The following CHL1 variants were observed in gnomAD, a reference collection of about 807,000 sequenced individuals.
CHL1 encodes the protein cell adhesion molecule L1 like, also known as neural cell adhesion molecule L1-like protein.
In CHL1, 96 loss-of-function variants were observed where a neutral mutation model predicts 141.9. That is an observed-to-expected ratio of 0.68 (90% confidence interval 0.57 to 0.80). The LOEUF (loss-of-function observed/expected upper bound fraction) is 0.80. CHL1 is among the 30% of genes least tolerant of loss of function. The probability of loss-of-function intolerance (pLI) is 0.00; values close to 1 mark genes in which losing one functional copy is unlikely to be tolerated. For synonymous variants in CHL1, 613 were observed against 502.2 expected (o/e 1.22, Z -2.95); for missense variants, 1,820 against 1,457.2 (o/e 1.25, Z -4.05).
chr3:314,989 C>T (rs1700055455), intron 2 of CHL1, among the ~76,000 whole-genome samples: 1 of 152,008 alleles, frequency 6.6e-6, no homozygotes, highest in Non-Finnish European at 1.5e-5. Context: ...ATCATTTCAC[C>T]ACTATATACT....
At chr3:277,019 C>A in intron 2 of CHL1, among the ~76,000 whole-genome samples, 1 of 151,220 alleles carries the variant, frequency 6.6e-6, no homozygotes, top group Non-Finnish European at 1.5e-5. Context: ...ATGATCTCAT[C>A]TGAAAATTGG....
chr3:270,501 GA>G (rs1695545127), intron 2 of CHL1, among the ~76,000 whole-genome samples: 1 of 152,156 alleles, frequency 6.6e-6, no homozygotes, highest in South Asian at 2.1e-4. Context: ...GGTGTAGGCA[GA>G]AAGGGCAGGG....
At chr3:283,285 A>G (rs1696826635) in intron 2 of CHL1, among the ~76,000 whole-genome samples, 1 of 152,218 alleles carries the variant, frequency 6.6e-6, no homozygotes, top group Non-Finnish European at 1.5e-5. Flanking sequence ...GTTTGCATGT[A>G]TCTTTTTTGT....
At chr3:229,013 A>G (rs1393418172) in intron 1 of CHL1, among the ~76,000 whole-genome samples, 3 of 152,186 alleles carry the variant, frequency 2.0e-5, no homozygotes, top group Non-Finnish European at 2.9e-5. Flanking sequence ...CCTAATAGTT[A>G]TCAGCAGCCC....
chr3:342,912 A>T (rs920094957), intron 7 of CHL1, 72 bp from the exon 8 acceptor site: 3 of 1,246,962 alleles, frequency 2.4e-6, no homozygotes, highest in African/African-American at 1.5e-5. Flanking sequence ...CAAAAATATG[A>T]CTTTTCATTC....
At chr3:197,917 C>A in intron 1 of CHL1, 1 of 408,322 alleles carries the variant, frequency 2.4e-6, no homozygotes, top group Non-Finnish European at 4.8e-6. Flanking sequence ...GGAGGCAGCA[C>A]GGAGAAAGTG....
chr3:256,841 A>G (rs1356177829), intron 2 of CHL1, among the ~76,000 whole-genome samples: 5 of 152,192 alleles, frequency 3.3e-5, no homozygotes, highest in African/African-American at 7.2e-5. Flanking sequence ...GAGTGATGGC[A>G]TGATTTGAAT....
intron 2 of CHL1, among the ~76,000 whole-genome samples, chr3:299,935 G>A (rs947626471): frequency 6.6e-6 from 1 of 152,162 alleles, no homozygotes; most frequent in South Asian, 2.1e-4. Flanking sequence ...TGCAGCTCCT[G>A]GCACCTCTTC....
intron 14 of CHL1, among the ~76,000 whole-genome samples, chr3:365,293 A>G (rs73105012): frequency 1.2e-3 from 186 of 152,344 alleles, no homozygotes; most frequent in African/African-American, 4.0e-3. Flanking sequence ...CCATAAACCA[A>G]TCTTTGAGTT....
chr3:331,607 A>G (rs1701444286), intron 5 of CHL1, among the ~76,000 whole-genome samples: 1 of 152,148 alleles, frequency 6.6e-6, no homozygotes, highest in South Asian at 2.1e-4. Flanking sequence ...ATTCTCCTAC[A>G]TTTGATTTTA....
chr3:263,111 A>G lies in CHL1; in HGVS notation c.-95+18419A>G, dbSNP rs1694869564. Reference sequence around the variant, plus strand: ...AGATTCTTCTGAAGATTTCTCTGCTAAATAAGTTGCACTCAACTGAAATCC... The same window carrying G: ...AGATTCTTCTGAAGATTTCTCTGCTGAATAAGTTGCACTCAACTGAAATCC... On this transcript the variant is annotated intron_variant, in intron 2 of 27. Coordinates refer to ENST00000256509, the MANE Select transcript of CHL1 (RefSeq NM_006614.4). 3.3e-5 allele frequency among the ~76,000 whole-genome samples: 5 copies of G among 152,324 alleles called. No homozygotes were observed. The South Asian group carries it at 1.0e-3, about 32-fold the overall frequency.
At chr3:309,856 T>C (rs916034185) in intron 2 of CHL1, among the ~76,000 whole-genome samples, 24 of 152,320 alleles carry the variant, frequency 1.6e-4, no homozygotes, top group Admixed American at 1.2e-3. Flanking sequence ...AATGTAACTG[T>C]AAGTTGTAAT....
Position 339,293 on chromosome 3 carries a change from T to C in CHL1, c.386-1501T>C, listed in dbSNP as rs576831261. The stretch of plus-strand genomic sequence containing the variant: ...GCAAAATGTTTTCCATAGCATTTGA[T>C]GTCAATCAAAGCCGAGGCTTTACCA... On this transcript the variant is annotated intron_variant, in intron 5 of 27. Coordinates refer to ENST00000256509, the MANE Select transcript of CHL1 (RefSeq NM_006614.4). 5.3e-5 allele frequency among the ~76,000 whole-genome samples: 8 copies of C among 152,364 alleles called. No homozygotes were observed. In the South Asian group the frequency reaches 1.4e-3, roughly 28 times the overall value.
At chr3:236,442 G>C (rs1011864559) in intron 1 of CHL1, among the ~76,000 whole-genome samples, 1 of 152,076 alleles carries the variant, frequency 6.6e-6, no homozygotes, top group Non-Finnish European at 1.5e-5. Context: ...AATGTGTCTT[G>C]GTTCTCCATG....
chr3:207,941 A>G (rs1210922441), intron 1 of CHL1, among the ~76,000 whole-genome samples: 2 of 152,320 alleles, frequency 1.3e-5, no homozygotes, highest in East Asian at 1.9e-4. Flanking sequence ...CACACTTCTG[A>G]GTCAAGTTCA....
chr3:382,265 A>G lies in CHL1; in HGVS notation c.1963A>G (p.Asn655Asp), dbSNP rs1490864621. 4 of 1,613,518 alleles carry G rather than the reference A, an allele frequency of 2.5e-6. No individual in the cohort carries two copies. Among genetic ancestry groups the G allele is most frequent in the South Asian group, 1.1e-5 (1 of 91,080 alleles). The change falls in exon 17 of 28, where the codon AAC becomes GAC. Residue 655 changes from asparagine (N) to aspartate (D), a missense_variant. Physicochemically the swap from Asn to Asp is conservative, Grantham distance 23. Coordinates refer to ENST00000256509, the MANE Select transcript of CHL1 (RefSeq NM_006614.4). ...GACCTGGGAAGCTGGAGCTGACCACAACAGCAATATTAGCGGTAGGAAGAC... is the reference window on the plus strand; with the variant it reads ...GACCTGGGAAGCTGGAGCTGACCACGACAGCAATATTAGCGGTAGGAAGAC... Reference protein sequence around the residue: ...RLTWEAGADHNSNISEYIVEF... With the variant: ...RLTWEAGADHDSNISEYIVEF...
chr3:276,918 A>G (rs1010234067), intron 2 of CHL1, among the ~76,000 whole-genome samples: 2 of 138,418 alleles, frequency 1.4e-5, no homozygotes, highest in Non-Finnish European at 3.1e-5. Context: ...AAAAAAAAAG[A>G]GTATGGGCTC....
At chr3:363,654 A>T (rs1443327217) in intron 14 of CHL1, 5 of 253,158 alleles carry the variant, frequency 2.0e-5, no homozygotes, top group Non-Finnish European at 3.8e-5. Context: ...TTACCTATTA[A>T]CCATACTACA....
chr3:307,706 A>G (rs1050626383), intron 2 of CHL1, among the ~76,000 whole-genome samples: 1 of 152,140 alleles, frequency 6.6e-6, no homozygotes, highest in African/African-American at 2.4e-5. Context: ...GACTATAGTG[A>G]TTAAGCCATA....
Sources: gnomAD v4.1 joint callset for allele counts (sites outside exome capture counted in the v4.1 genomes callset) on GRCh38, gnomAD v4.1.1 for gene constraint, MANE v1.5 for transcripts, NCBI Gene and HGNC (gene_info 2026-07-23, HGNC 2026-07-21) for gene names.